Variants in PNLIP observed in about 807,000 individuals in gnomAD.
The protein encoded by PNLIP is pancreatic triacylglycerol lipase.
In PNLIP, 49 loss-of-function variants were observed where a neutral mutation model predicts 57.1. The observed-to-expected ratio is 0.86, with a 90% CI of 0.68 to 1.09. The LOEUF is 1.09. PNLIP is among the 50% of genes least tolerant of loss of function. The probability of loss-of-function intolerance (pLI) is 0.00; values close to 1 mark genes in which losing one functional copy is unlikely to be tolerated. For synonymous variants in PNLIP, 209 were observed against 200.4 expected (o/e 1.04, Z -0.36); for missense variants, 503 against 570.2 (o/e 0.88, Z 1.20).
intron 12 of PNLIP, among the ~76,000 whole-genome samples, chr10:116,566,243 C>A (rs1847366429): frequency 6.6e-6 from 1 of 152,176 alleles, no homozygotes; most frequent in South Asian, 2.1e-4. Context: ...AAGGAATGAA[C>A]TAATGGTACA....
chr10:116,556,339 T>G (rs566759572), intron 9 of PNLIP, among the ~76,000 whole-genome samples: 44 of 152,356 alleles, frequency 2.9e-4, no homozygotes, highest in African/African-American at 1.0e-3. Context: ...TACTTTTGTA[T>G]GCATTGGGTA....
At chr10:116,567,635 C>G (rs2133211974) in intron 12 of PNLIP, 100 bp from the exon 13 acceptor site, 1 of 924,256 alleles carries the variant, frequency 1.1e-6, no homozygotes, top group East Asian at 2.4e-5. Context: ...GTGCGCCCTT[C>G]CCTCAGACTA....
intron 12 of PNLIP, among the ~76,000 whole-genome samples, chr10:116,567,365 C>T (rs1013366176): frequency 2.0e-5 from 3 of 152,196 alleles, no homozygotes; most frequent in East Asian, 3.9e-4. Flanking sequence ...GGTTAGCCAA[C>T]GTAACACCAG....
Position 116,559,182 on chromosome 10 carries a change from G to A in PNLIP, c.959G>A (p.Gly320Asp), listed in dbSNP as rs753689375. 10 of 1,612,734 alleles carry A rather than the reference G, an allele frequency of 6.2e-6. 1 individual carries two copies. The South Asian group carries it at 9.9e-5, about 16-fold the overall frequency. The change falls in exon 10 of 13, where the codon GGC becomes GAC. Residue 320 changes from glycine to aspartate, a missense_variant. Gly to Asp is a moderately conservative substitution (Grantham distance 94, BLOSUM62 -1). Transcript: ENST00000369221. ...AAGTGTTTCCCTTGTCCAAGTGGAG[G>A]CTGCCCACAGATGGGTCACTATGCT... The part of the protein sequence containing the change: ...ANKCFPCPSG[G>D]CPQMGHYADR...
At chr10:116,560,647 G>A in intron 11 of PNLIP, 123 bp downstream of exon 11, 1 of 512,768 alleles carries the variant, frequency 2.0e-6, no homozygotes, top group Non-Finnish European at 3.4e-6. Context: ...GTGCAATCTT[G>A]GCTCACTACA....
At chr10:116,546,021 T>C in intron 1 of PNLIP, 63 bp downstream of exon 1, 2 of 1,280,666 alleles carry the variant, frequency 1.6e-6, no homozygotes, top group South Asian at 2.4e-5. Context: ...CCCCCAGAGG[T>C]CTAAATGAAC....
intron 12 of PNLIP, among the ~76,000 whole-genome samples, chr10:116,567,053 T>C (rs1483217670): frequency 6.7e-6 from 1 of 149,996 alleles, no homozygotes; most frequent in Non-Finnish European, 1.5e-5. Context: ...CCTTCCTTCC[T>C]TTCTTCTTTC....
At chr10:116,553,634 C>T (rs923039509) in intron 5 of PNLIP, 93 bp from the exon 6 acceptor site, 5 of 743,608 alleles carry the variant, frequency 6.7e-6, no homozygotes, top group East Asian at 2.7e-5. Flanking sequence ...ACAATGAAAT[C>T]GCTTGATGAT....
chr10:116,560,333 G>A (rs1483403117), intron 10 of PNLIP, 83 bp from the exon 11 acceptor site: 7 of 665,006 alleles, frequency 1.1e-5, no homozygotes, highest in Admixed American at 7.5e-5. Flanking sequence ...TATTCAAAAC[G>A]TGGCAGTAGT....
At chr10:116,551,700 T>C (rs913625872) in intron 5 of PNLIP, among the ~76,000 whole-genome samples, 6 of 152,366 alleles carry the variant, frequency 3.9e-5, no homozygotes, top group Non-Finnish European at 7.3e-5. Flanking sequence ...TGCTTCATCA[T>C]CTCTGGATAA....
chr10:116,558,612 T>C (rs1278682344), intron 9 of PNLIP, among the ~76,000 whole-genome samples: 1 of 151,546 alleles, frequency 6.6e-6, no homozygotes, highest in South Asian at 2.1e-4. Context: ...CACACACATA[T>C]TCTCTCATTG....
Position 116,559,283 on chromosome 10 carries a change from CGT to C in PNLIP, c.1060+1_1060+2del. Reference sequence around the variant, plus strand: ...CACTGGTGATGCCAGTAATTTTGCACGTAAGTTTCTGTTTTCTGTATCTTATA... The same window carrying C: ...CACTGGTGATGCCAGTAATTTTGCACAAGTTTCTGTTTTCTGTATCTTATA... On this transcript the variant is annotated splice_donor_variant, in intron 10 of 12. Coordinates refer to ENST00000369221, the MANE Select transcript of PNLIP (RefSeq NM_000936.4). LOFTEE classifies it high-confidence loss of function. 1 of 1,607,978 alleles carries C rather than the reference CGT, an allele frequency of 6.2e-7. No individual in the cohort carries two copies.
At position 116,561,458 on chromosome 10, in the gene PNLIP, T is replaced by G. The variant is rs1847314389; in HGVS notation, c.1170-14T>G. On this transcript the variant is annotated splice_polypyrimidine_tract_variant and intron_variant, in intron 11 of 12. Transcript: ENST00000369221. ...ATGCTCATGTATGTTTTTGTTAACTTCTTAAATCCTTAGGGGCACTCTCAA... is the reference window on the plus strand; with the variant it reads ...ATGCTCATGTATGTTTTTGTTAACTGCTTAAATCCTTAGGGGCACTCTCAA... 1 of 1,602,244 alleles carries G rather than the reference T, an allele frequency of 6.2e-7. No individual in the cohort carries two copies. Among genetic ancestry groups the G allele is most frequent in the South Asian group, 1.1e-5 (1 of 88,916 alleles).
At chr10:116,546,019 G>A in intron 1 of PNLIP, 61 bp downstream of exon 1, 15 of 1,251,972 alleles carry the variant, frequency 1.2e-5, no homozygotes, top group Admixed American at 1.7e-5. Context: ...TTCCCCCAGA[G>A]GTCTAAATGA....
rs769289811 is a variant in PNLIP, at chr10:116,560,456, G to A, written c.1101G>A (p.Lys367=). The A allele has an allele frequency of 1.9e-6, 3 of 1,607,970 alleles. No homozygotes were observed. Among genetic ancestry groups the A allele is most frequent in the Middle Eastern group, 1.7e-4 (1 of 6,034 alleles). The change falls in exon 11 of 13, where the codon AAG becomes AAA. Residue 367 remains lysine, a synonymous_variant. Coordinates refer to ENST00000369221, the MANE Select transcript of PNLIP (RefSeq NM_000936.4). ...TATCTGTCACACTGTCTGGAAAAAA[G>A]GTTACAGGACACATACTAGTTTCTT... is the stretch of plus-strand genomic sequence containing the variant. The part of the protein sequence containing the change: ...YKVSVTLSGK[K]VTGHILVSLF...
intron 2 of PNLIP, 49 bp from the exon 3 acceptor site, chr10:116,547,245 A>G (rs2133196891): frequency 6.3e-7 from 1 of 1,581,964 alleles, no homozygotes; most frequent in Non-Finnish European, 8.7e-7. Flanking sequence ...CAGACAGATC[A>G]TTAAAAAGAG....
chr10:116,559,309 T>C (rs1228357547), intron 10 of PNLIP, 26 bp downstream of exon 10: 2 of 1,509,568 alleles, frequency 1.3e-6, no homozygotes, highest in African/African-American at 2.8e-5. Context: ...CTGTATCTTA[T>C]ATTCTTATTG....
chr10:116,551,898 C>G (rs1440286751), intron 5 of PNLIP, among the ~76,000 whole-genome samples: 2 of 152,206 alleles, frequency 1.3e-5, no homozygotes, highest in Non-Finnish European at 2.9e-5. Context: ...GGTTCTCCCT[C>G]TGCGCGCCTC....
At chr10:116,560,326 T>C (rs552519124) in intron 10 of PNLIP, 90 bp from the exon 11 acceptor site, 1 of 640,156 alleles carries the variant, frequency 1.6e-6, no homozygotes, top group African/African-American at 1.9e-5. Flanking sequence ...AATAAATTAT[T>C]CAAAACGTGG....
Sources: allele counts gnomAD v4.1 joint callset (sites outside exome capture counted in the v4.1 genomes callset), GRCh38; gene constraint gnomAD v4.1.1; transcripts MANE v1.5; gene names NCBI Gene and HGNC (gene_info 2026-07-23, HGNC 2026-07-21).